The following DIP2C variants were observed in gnomAD, a reference collection of about 807,000 sequenced individuals.
DIP2C encodes the protein DIP2 acetate--CoA ligase C (putative).
A neutral mutation model predicts 192.4 loss-of-function variants in DIP2C; 33 were observed. The ratio of observed to expected loss-of-function variants is 0.17; its 90% CI spans 0.13 to 0.23. The LOEUF (loss-of-function observed/expected upper bound fraction) is 0.23, where lower values mean the gene tolerates loss of function less well. Among genes scored for constraint, DIP2C ranks in the 10% least tolerant of loss-of-function variants. DIP2C has a pLI of 1.00. For missense variants in DIP2C, 1,537 were observed against 2,110.1 expected, an observed-to-expected ratio of 0.73 and a Z score of 5.32; for synonymous variants, 979 against 864.1, an observed-to-expected ratio of 1.13 and a Z score of -2.33.
At chr10:402,607 A>G (rs1193107458) in intron 9 of DIP2C, among the ~76,000 whole-genome samples, 3 of 13,084 alleles carry the variant, frequency 2.3e-4, no homozygotes, top group African/African-American at 2.4e-4. Context: ...AGTTTGGTAC[A>G]TTTTCATCAG....
intron 1 of DIP2C, among the ~76,000 whole-genome samples, chr10:491,958 A>AG (rs1844478392): frequency 6.6e-6 from 1 of 152,050 alleles, no homozygotes. Flanking sequence ...CCCAGAAAAC[A>AG]GGGGCTAGGA....
chr10:641,029 G>C (rs891591406), intron 1 of DIP2C, among the ~76,000 whole-genome samples: 1 of 151,984 alleles, frequency 6.6e-6, no homozygotes, highest in South Asian at 2.1e-4. Context: ...TAACCCCATG[G>C]CTTCATTACA....
chr10:496,682 C>T (rs1844861598), intron 1 of DIP2C, among the ~76,000 whole-genome samples: 1 of 151,930 alleles, frequency 6.6e-6, no homozygotes, highest in Non-Finnish European at 1.5e-5. Flanking sequence ...AAAATCTCTA[C>T]ATTACTCGCA....
chr10:345,241 C>T, intron 26 of DIP2C, 131 bp from the exon 27 acceptor site: 1 of 920,572 alleles, frequency 1.1e-6, no homozygotes, highest in South Asian at 1.4e-5. Flanking sequence ...GGTTACCGAG[C>T]CCTCCTGCTG....
rs533287712 is a variant in DIP2C, at chr10:381,280, AAG to A, written c.1991+1365_1991+1366del. Among the ~76,000 whole-genome samples the A allele has an allele frequency of 2.2e-3, 341 of 152,332 alleles. 1 individual carries two copies. Among genetic ancestry groups the A allele is most frequent in the Non-Finnish European group, 2.6e-3 (175 of 68,038 alleles). On this transcript the variant is annotated intron_variant, in intron 17 of 36. Transcript: ENST00000280886. ...ATCATATGCATGATAACGACATAAA[AAG>A]ACAGTCTTAATGAGACTGAGTGATG... is the stretch of plus-strand genomic sequence containing the variant.
chr10:455,001 C>T (rs1473921555), intron 3 of DIP2C, among the ~76,000 whole-genome samples: 3 of 152,182 alleles, frequency 2.0e-5, no homozygotes, highest in Non-Finnish European at 4.4e-5. Context: ...CCATTTGCAC[C>T]AAGCTCACAG....
rs78496541 is a variant in DIP2C at position 428,289 on chromosome 10, G to T, written c.395-5256C>A. 5.9e-3 allele frequency among the ~76,000 whole-genome samples: 896 copies of T among 152,164 alleles called. 3 individuals are homozygous for T. Among genetic ancestry groups the T allele is most frequent in the East Asian group, 0.014 (70 of 5,182 alleles). ...CATAGAGCTAACCTTTCATCTGATA[G>T]CATTTGCAATCAGCCTAAAGTACAT... is the stretch of plus-strand genomic sequence containing the variant. On this transcript the variant is annotated intron_variant, in intron 4 of 36. Transcript: ENST00000280886.
At chr10:554,330 G>A (rs181218334) in intron 1 of DIP2C, among the ~76,000 whole-genome samples, 191 of 152,360 alleles carry the variant, frequency 1.3e-3, no homozygotes, top group Admixed American at 2.1e-3. Context: ...AGCCAAGGAG[G>A]AAGCAGTGAT....
chr10:472,144 A>G (rs1009725538), intron 3 of DIP2C, among the ~76,000 whole-genome samples: 1 of 152,242 alleles, frequency 6.6e-6, no homozygotes, highest in East Asian at 1.9e-4. Flanking sequence ...AACCACGATT[A>G]AAAAGTTATT....
At chr10:624,058 C>T (rs1051933365) in intron 1 of DIP2C, among the ~76,000 whole-genome samples, 6 of 152,264 alleles carry the variant, frequency 3.9e-5, no homozygotes, top group African/African-American at 1.4e-4. Flanking sequence ...TCTCTCTGCA[C>T]CCGGGACCCG....
intron 6 of DIP2C, among the ~76,000 whole-genome samples, chr10:416,727 A>G (rs1046093450): frequency 1.3e-5 from 2 of 152,320 alleles, no homozygotes; most frequent in East Asian, 1.9e-4. Context: ...AATGAACAAG[A>G]CAGAGGACCA....
intron 4 of DIP2C, among the ~76,000 whole-genome samples, chr10:431,443 AT>A (rs990454677): frequency 5.3e-5 from 8 of 151,668 alleles, no homozygotes; most frequent in African/African-American, 1.5e-4. Context: ...GCTACTGGAA[AT>A]TTTTTTTTAA....
At chr10:496,500 C>T (rs563473124) in intron 1 of DIP2C, among the ~76,000 whole-genome samples, 1 of 151,576 alleles carries the variant, frequency 6.6e-6, no homozygotes, top group Admixed American at 6.6e-5. Context: ...ACAGTGCCCT[C>T]CCGTGTACTT....
chr10:485,306 G>A (rs1461379079), intron 2 of DIP2C, among the ~76,000 whole-genome samples: 1 of 152,256 alleles, frequency 6.6e-6, no homozygotes, highest in African/African-American at 2.4e-5. Context: ...GTCGCCCCAT[G>A]GCTCTGCGAG....
chr10:454,019 C>A (rs1313984832), intron 3 of DIP2C, among the ~76,000 whole-genome samples: 1 of 152,206 alleles, frequency 6.6e-6, no homozygotes, highest in Non-Finnish European at 1.5e-5. Flanking sequence ...ACAGAATTTG[C>A]AGGACTCAGA....
intron 29 of DIP2C, among the ~76,000 whole-genome samples, chr10:331,016 T>C (rs913395689): frequency 4.0e-5 from 6 of 149,164 alleles, no homozygotes; most frequent in Non-Finnish European, 3.0e-5. Context: ...CGGTTTCGTA[T>C]TGTTGCCCAG....
At chr10:554,602 C>A (rs1219679141) in intron 1 of DIP2C, among the ~76,000 whole-genome samples, 3 of 152,232 alleles carry the variant, frequency 2.0e-5, no homozygotes, top group East Asian at 3.8e-4. Context: ...AGGGGCAAGA[C>A]CCCGGTTCCC....
intron 1 of DIP2C, among the ~76,000 whole-genome samples, chr10:510,489 C>G (rs1298841873): frequency 6.6e-6 from 1 of 152,252 alleles, no homozygotes. Flanking sequence ...GCCTGGGGTT[C>G]TCGTGACCAC....
rs564602285 is a variant in DIP2C, at chr10:326,929, G to A, written c.3924+77C>T. The A allele has an allele frequency of 2.7e-5, 40 of 1,502,938 alleles. 1 individual carries two copies. The East Asian group carries it at 5.3e-4, about 20-fold the overall frequency. The allele number at this position is 1,502,938 out of a possible 1,614,324, so 93.1% of individuals were successfully genotyped here. A position where few individuals can be genotyped will look rare whatever the true frequency, so the allele number is the denominator to read the frequency against. ...TAGCTAAGCATCAGCCGAGGGAGAC[G>A]AGTGGAGCCAGTCTGTGCTGTACCC... is the stretch of plus-strand genomic sequence containing the variant. On this transcript the variant is annotated intron_variant, in intron 31 of 36. Coordinates refer to ENST00000280886, the MANE Select transcript of DIP2C (RefSeq NM_014974.3).
Sources: gnomAD v4.1 joint callset for allele counts (sites outside exome capture counted in the v4.1 genomes callset) on GRCh38, gnomAD v4.1.1 for gene constraint, MANE v1.5 for transcripts, NCBI Gene and HGNC (gene_info 2026-07-23, HGNC 2026-07-21) for gene names.